The following DNAJC3 variants were observed in gnomAD, a reference collection of about 807,000 sequenced individuals.
The protein encoded by DNAJC3 is DnaJ heat shock protein family (Hsp40) member C3.
DNAJC3 carries 38 observed loss-of-function variants against 68.6 expected under a neutral mutation model. That is an observed-to-expected ratio of 0.55 (90% confidence interval 0.43 to 0.73). The LOEUF (loss-of-function observed/expected upper bound fraction) is 0.73, where lower values mean the gene tolerates loss of function less well. DNAJC3 is among the 30% of genes least tolerant of loss of function. The probability of loss-of-function intolerance (pLI) is 0.00; values close to 1 mark genes in which losing one functional copy is unlikely to be tolerated. For synonymous variants in DNAJC3, 203 were observed against 204.0 expected (o/e 1.00, Z 0.04); for missense variants, 526 against 591.9 (o/e 0.89, Z 1.16).
intron 1 of DNAJC3, 29 bp downstream of exon 1, chr13:95,677,366 G>A (rs757737383): frequency 6.4e-6 from 10 of 1,560,140 alleles, no homozygotes; most frequent in South Asian, 1.2e-5. Flanking sequence ...CGGCCAGGAA[G>A]TGGGCTCCCG....
chr13:95,780,287 G>A lies in DNAJC3; in HGVS notation c.1076-5652G>A, dbSNP rs138180194. On this transcript the variant is annotated intron_variant, in intron 9 of 11. Transcript: ENST00000602402. ...TGAGCATAGAGTTGCTGTTCTCTGG[G>A]ATCTGCCGCACAGGCTGTTTCACTG... 3.5e-3 allele frequency among the ~76,000 whole-genome samples: 540 copies of A among 152,190 alleles called. 3 individuals are homozygous for A. The highest frequency in any genetic ancestry group is 0.012 in the African/African-American group (514 of 41,520).
intron 9 of DNAJC3, among the ~76,000 whole-genome samples, chr13:95,779,301 T>A (rs1213043084): frequency 1.3e-5 from 2 of 151,828 alleles, no homozygotes; most frequent in Admixed American, 6.6e-5. Context: ...TTTTTTCTAT[T>A]TTTTAGTAGA....
chr13:95,748,186 C>T (rs1882365390), intron 4 of DNAJC3, among the ~76,000 whole-genome samples: 1 of 152,094 alleles, frequency 6.6e-6, no homozygotes, highest in Non-Finnish European at 1.5e-5. Flanking sequence ...ATAATTGGAT[C>T]AATTATATTT....
At chr13:95,728,016 C>A (rs1881586145) in intron 4 of DNAJC3, among the ~76,000 whole-genome samples, 1 of 152,142 alleles carries the variant, frequency 6.6e-6, no homozygotes, top group Non-Finnish European at 1.5e-5. Context: ...ATACAAAAAT[C>A]TTTTAGAATT....
Position 95,677,175 on chromosome 13 carries a change from C to A in DNAJC3, c.-81C>A, listed in dbSNP as rs1879773749. ...GGCCTGAGCGAGAGCCGACGGCGGG[C>A]GGGCGCAGCTGCTGCCGGAGCGCCG... On this transcript the variant is annotated 5_prime_UTR_variant, in exon 1 of 12. Transcript: ENST00000602402. 1 of 1,340,922 alleles carries A rather than the reference C, an allele frequency of 7.5e-7. No individual in the cohort carries two copies. The highest frequency in any genetic ancestry group is 1.0e-6 in the Non-Finnish European group (1 of 979,654). 83.1% of individuals were successfully genotyped at this position (1,340,922 alleles called of 1,614,324 possible). A position where few individuals can be genotyped will look rare whatever the true frequency, so the allele number is the denominator to read the frequency against.
At chr13:95,732,888 A>T (rs1055886056) in intron 4 of DNAJC3, among the ~76,000 whole-genome samples, 16 of 151,810 alleles carry the variant, frequency 1.1e-4, no homozygotes, top group Admixed American at 6.6e-5. Context: ...TTTCAAAAAA[A>T]TTTTTTTATT....
At chr13:95,729,517 G>A (rs1304301486) in intron 4 of DNAJC3, among the ~76,000 whole-genome samples, 1 of 151,852 alleles carries the variant, frequency 6.6e-6, no homozygotes, top group Admixed American at 6.6e-5. Flanking sequence ...GAGGATACAG[G>A]TATCCCTTTG....
At chr13:95,713,841 A>C (rs1452756083) in intron 2 of DNAJC3, among the ~76,000 whole-genome samples, 2 of 152,178 alleles carry the variant, frequency 1.3e-5, no homozygotes, top group African/African-American at 4.8e-5. Context: ...CTTGCCATTT[A>C]GAGTTTTCAG....
intron 4 of DNAJC3, among the ~76,000 whole-genome samples, chr13:95,743,457 T>C (rs1882209930): frequency 1.3e-5 from 2 of 152,248 alleles, no homozygotes; most frequent in Admixed American, 6.5e-5. Flanking sequence ...GAGACACCAC[T>C]GTTATTACCT....
At chr13:95,723,883 G>A (rs1467377915) in intron 3 of DNAJC3, among the ~76,000 whole-genome samples, 1 of 152,160 alleles carries the variant, frequency 6.6e-6, no homozygotes, top group Non-Finnish European at 1.5e-5. Context: ...CTGATGATTG[G>A]CAGGTCACCA....
rs145968677 is a variant in DNAJC3, at chr13:95,791,210, C to T, written c.*180C>T. 5.1e-3 allele frequency: 3,503 copies of T among 683,032 alleles called. 17 individuals are homozygous for T. Among genetic ancestry groups the T allele is most frequent in the Admixed American group, 0.012 (391 of 33,642 alleles). 42.3% of individuals were successfully genotyped at this position (683,032 alleles called of 1,614,324 possible). A position where few individuals can be genotyped will look rare whatever the true frequency, so the allele number is the denominator to read the frequency against. ...AGATTTATGGTTAATGGGTTTGCAA[C>T]GGCAAGGAGGCAAGGAATGGTTCTA... is the stretch of plus-strand genomic sequence containing the variant. On this transcript the variant is annotated 3_prime_UTR_variant, in exon 12 of 12. Coordinates refer to ENST00000602402, the MANE Select transcript of DNAJC3 (RefSeq NM_006260.5).
chr13:95,737,310 T>A (rs1272719517), intron 4 of DNAJC3, among the ~76,000 whole-genome samples: 2 of 152,222 alleles, frequency 1.3e-5, no homozygotes, highest in African/African-American at 4.8e-5. Flanking sequence ...TGCCTGGCTT[T>A]GGTATCAGAA....
At chr13:95,690,449 AT>A (rs1285413448) in intron 1 of DNAJC3, among the ~76,000 whole-genome samples, 3 of 151,416 alleles carry the variant, frequency 2.0e-5, no homozygotes, top group Non-Finnish European at 4.4e-5. Flanking sequence ...CCCCCTTTCT[AT>A]TCCACAAAAC....
intron 9 of DNAJC3, among the ~76,000 whole-genome samples, chr13:95,779,946 A>G (rs1883403925): frequency 6.6e-6 from 1 of 152,222 alleles, no homozygotes; most frequent in African/African-American, 2.4e-5. Context: ...ATTACTCATC[A>G]TAAAATGAGT....
intron 2 of DNAJC3, among the ~76,000 whole-genome samples, chr13:95,715,817 T>C (rs1009532359): frequency 2.0e-5 from 3 of 152,006 alleles, no homozygotes; most frequent in African/African-American, 7.2e-5. Flanking sequence ...AGACCATTTA[T>C]CATTTTAGTT....
At chr13:95,777,992 C>T (rs915918766) in intron 9 of DNAJC3, among the ~76,000 whole-genome samples, 1 of 152,006 alleles carries the variant, frequency 6.6e-6, no homozygotes, top group Non-Finnish European at 1.5e-5. Flanking sequence ...AAGTCAGTAA[C>T]AGAAGGAAAA....
chr13:95,762,114 T>C (rs1196978359), intron 7 of DNAJC3, among the ~76,000 whole-genome samples: 3 of 152,072 alleles, frequency 2.0e-5, no homozygotes, highest in Admixed American at 6.5e-5. Flanking sequence ...AATACAAAAT[T>C]AGCCGGGCGT....
intron 1 of DNAJC3, among the ~76,000 whole-genome samples, chr13:95,703,041 A>C (rs1233072013): frequency 1.3e-5 from 2 of 152,234 alleles, no homozygotes; most frequent in Non-Finnish European, 2.9e-5. Flanking sequence ...CTTGTTATTC[A>C]TGGTGGTTAT....
chr13:95,736,511 G>A (rs1188351860), intron 4 of DNAJC3, among the ~76,000 whole-genome samples: 1 of 146,430 alleles, frequency 6.8e-6, no homozygotes, highest in East Asian at 2.0e-4. Flanking sequence ...GCAGTGGTTT[G>A]TAGTTCTCCT....
Sources: allele counts gnomAD v4.1 joint callset (sites outside exome capture counted in the v4.1 genomes callset), GRCh38; gene constraint gnomAD v4.1.1; transcripts MANE v1.5; gene names NCBI Gene and HGNC (gene_info 2026-07-23, HGNC 2026-07-21).